Variants in SGCZ observed in about 807,000 individuals in gnomAD.
SGCZ encodes sarcoglycan zeta, also known as zeta-sarcoglycan.
Under a neutral mutation model 41.3 loss-of-function variants are expected in SGCZ, and 40 were observed. The ratio of observed to expected loss-of-function variants is 0.97; its 90% confidence interval spans 0.75 to 1.26. The LOEUF is 1.26. Ranked by LOEUF, SGCZ falls within the 50% of genes most tolerant of loss-of-function variation. The pLI, the probability that SGCZ is intolerant of heterozygous loss-of-function variation, is 0.00. For synonymous variants in SGCZ, 206 were observed against 137.5 expected (o/e 1.50, Z -3.49); for missense variants, 552 against 369.8 (o/e 1.49, Z -4.04).
intron 1 of SGCZ, among the ~76,000 whole-genome samples, chr8:14,691,810 A>C (rs934604521): frequency 1.3e-5 from 2 of 152,062 alleles, no homozygotes; most frequent in African/African-American, 2.4e-5. Context: ...GCCGTAATAA[A>C]AAATCAAACT....
chr8:14,886,960 G>A (rs533524647), intron 1 of SGCZ, among the ~76,000 whole-genome samples: 1 of 152,262 alleles, frequency 6.6e-6, no homozygotes, highest in African/African-American at 2.4e-5. Context: ...TTAGATTACA[G>A]TGGGGGGTAA....
chr8:15,195,408 G>A (rs1563177811), intron 1 of SGCZ, among the ~76,000 whole-genome samples: 1 of 152,154 alleles, frequency 6.6e-6, no homozygotes, highest in Non-Finnish European at 1.5e-5. Context: ...TGGCTCTGTT[G>A]ATGCAGGGAT....
rs550902837 is a variant in SGCZ, at chr8:14,118,663, T to C, written c.548-10428A>G. 2.0e-5 allele frequency among the ~76,000 whole-genome samples: 3 copies of C among 152,318 alleles called. No homozygotes were observed. In the South Asian group the frequency reaches 6.2e-4, roughly 32 times the overall value. On this transcript the variant is annotated intron_variant, in intron 5 of 7. Coordinates refer to ENST00000382080, the MANE Select transcript of SGCZ (RefSeq NM_139167.4). Reference sequence around the variant, plus strand: ...CACCTATGTCCTGAGTGGTATTGCCTAGGTTTTCTTCCAGGGTTTTTATGG... The same window carrying C: ...CACCTATGTCCTGAGTGGTATTGCCCAGGTTTTCTTCCAGGGTTTTTATGG...
intron 3 of SGCZ, among the ~76,000 whole-genome samples, chr8:14,304,737 A>C (rs1801297415): frequency 6.6e-6 from 1 of 152,226 alleles, no homozygotes; most frequent in Non-Finnish European, 1.5e-5. Context: ...AGTATTTAGT[A>C]AATATTCTCT....
At chr8:14,247,297 T>C (rs552601547) in intron 3 of SGCZ, among the ~76,000 whole-genome samples, 4 of 152,174 alleles carry the variant, frequency 2.6e-5, no homozygotes, top group African/African-American at 7.2e-5. Context: ...TTTAAAGCTA[T>C]ACAGTAATCA....
At chr8:15,071,293 T>A (rs1805342085) in intron 1 of SGCZ, among the ~76,000 whole-genome samples, 1 of 152,206 alleles carries the variant, frequency 6.6e-6, no homozygotes, top group African/African-American at 2.4e-5. Context: ...TGTTGTTTAA[T>A]CTGAACAATT....
intron 3 of SGCZ, among the ~76,000 whole-genome samples, chr8:14,260,381 T>G (rs544527842): frequency 6.9e-6 from 1 of 145,440 alleles, no homozygotes; most frequent in Non-Finnish European, 1.5e-5. Flanking sequence ...GAAATACAAA[T>G]CAAAACCACA....
At chr8:14,151,118 AG>A (rs748924439) in intron 5 of SGCZ, among the ~76,000 whole-genome samples, 2 of 152,150 alleles carry the variant, frequency 1.3e-5, no homozygotes, top group Non-Finnish European at 2.9e-5. Context: ...ATAGCACAAT[AG>A]GGTGACTATA....
At chr8:14,477,928 G>A (rs960858720) in intron 2 of SGCZ, among the ~76,000 whole-genome samples, 3 of 152,226 alleles carry the variant, frequency 2.0e-5, no homozygotes, top group South Asian at 4.1e-4. Context: ...AGACTTTAAG[G>A]AACTCACTAA....
chr8:15,069,805 A>G (rs1349492627), intron 1 of SGCZ, among the ~76,000 whole-genome samples: 1 of 152,182 alleles, frequency 6.6e-6, no homozygotes, highest in Non-Finnish European at 1.5e-5. Context: ...TTACTTAAAA[A>G]TGCAATACAT....
intron 3 of SGCZ, among the ~76,000 whole-genome samples, chr8:14,267,499 C>T (rs1799915618): frequency 6.6e-6 from 1 of 152,030 alleles, no homozygotes; most frequent in African/African-American, 2.4e-5. Flanking sequence ...AGGCTATAGA[C>T]ATCATTTTTA....
chr8:14,195,737 T>G (rs1249073723), intron 4 of SGCZ, among the ~76,000 whole-genome samples: 2 of 152,044 alleles, frequency 1.3e-5, no homozygotes, highest in Non-Finnish European at 2.9e-5. Context: ...AGTGATGACA[T>G]AGGAGAGCAA....
intron 1 of SGCZ, among the ~76,000 whole-genome samples, chr8:15,236,259 A>G (rs775621131): frequency 1.3e-5 from 2 of 152,110 alleles, no homozygotes; most frequent in African/African-American, 4.8e-5. Flanking sequence ...TTCCCCGTCT[A>G]TGCAATCTGG....
intron 1 of SGCZ, among the ~76,000 whole-genome samples, chr8:14,649,227 T>C (rs2117450542): frequency 6.6e-6 from 1 of 152,272 alleles, no homozygotes; most frequent in East Asian, 1.9e-4. Context: ...AATTGCCTCT[T>C]CTTCCTTTCT....
intron 1 of SGCZ, among the ~76,000 whole-genome samples, chr8:14,778,523 T>A (rs1585252760): frequency 6.6e-6 from 1 of 150,464 alleles, no homozygotes; most frequent in Non-Finnish European, 1.5e-5. Flanking sequence ...AAAGACACCT[T>A]AAAAAAAAAC....
At chr8:14,212,786 A>T (rs1418052437) in intron 4 of SGCZ, among the ~76,000 whole-genome samples, 1 of 152,206 alleles carries the variant, frequency 6.6e-6, no homozygotes, top group Non-Finnish European at 1.5e-5. Context: ...TTTAAAAAGC[A>T]ATAATGAAAC....
chr8:14,280,778 C>A (rs2116916323), intron 3 of SGCZ, among the ~76,000 whole-genome samples: 1 of 140,182 alleles, frequency 7.1e-6, no homozygotes, highest in South Asian at 2.3e-4. Context: ...TTGACCCTTT[C>A]TTCAGTGCTT....
At chr8:14,614,758 G>A (rs562063266) in intron 1 of SGCZ, among the ~76,000 whole-genome samples, 1 of 152,080 alleles carries the variant, frequency 6.6e-6, no homozygotes, top group South Asian at 2.1e-4. Context: ...TAAGTGAAGA[G>A]AGTTAACATA....
chr8:14,791,247 T>C (rs567460394), intron 1 of SGCZ, among the ~76,000 whole-genome samples: 2 of 152,172 alleles, frequency 1.3e-5, no homozygotes, highest in African/African-American at 2.4e-5. Flanking sequence ...ATTACTTCTT[T>C]TAGTTTGCCA....
Sources: gnomAD v4.1 joint callset for allele counts (sites outside exome capture counted in the v4.1 genomes callset) on GRCh38, gnomAD v4.1.1 for gene constraint, MANE v1.5 for transcripts, NCBI Gene and HGNC (gene_info 2026-07-23, HGNC 2026-07-21) for gene names.